Variants in LOXL4 observed in about 807,000 individuals in gnomAD.
The protein encoded by LOXL4 is lysyl oxidase like 4.
A neutral mutation model predicts 89.1 loss-of-function variants in LOXL4; 72 were observed. The ratio of observed to expected loss-of-function variants is 0.81; its 90% CI spans 0.67 to 0.98. The LOEUF is 0.98. Ranked by LOEUF, LOXL4 falls within the 50% of genes least tolerant of loss-of-function variation. LOXL4 has a pLI of 0.00. For missense variants in LOXL4, 984 were observed against 1,017.5 expected (o/e 0.97, Z 0.45); for synonymous variants, 355 against 392.1 (o/e 0.91, Z 1.12).
chr10:98,264,407 C>T (rs570238248), intron 1 of LOXL4, among the ~76,000 whole-genome samples: 2 of 149,258 alleles, frequency 1.3e-5, no homozygotes, highest in East Asian at 2.0e-4. Context: ...CCTTCTCTTA[C>T]CCCCAGACCA....
intron 2 of LOXL4, 35 bp from the exon 3 acceptor site, chr10:98,262,248 G>C (rs766028991): frequency 3.1e-6 from 5 of 1,609,222 alleles, no homozygotes; most frequent in Non-Finnish European, 4.2e-6. Context: ...AGATGGCACA[G>C]AGAGGCAGGT....
Position 98,253,778 on chromosome 10 carries a change from A to G in LOXL4, c.1610T>C (p.Met537Thr), listed in dbSNP as rs751842161. Residue 537 changes from methionine to threonine, a missense_variant, in exon 11 of 15, where the codon ATG (methionine) becomes ACG (threonine). Coordinates refer to ENST00000260702, the MANE Select transcript of LOXL4 (RefSeq NM_032211.7). ...SCMDSAPDLV[M>T]NAQLVQETAY... ...CGTCTCCTGCACTAGCTGGGCGTTC[A>G]TCACCAGGTCTGGTGCACCTGGGGC... The G allele has an allele frequency of 3.1e-6, 5 of 1,614,040 alleles. No homozygotes were observed. Among genetic ancestry groups the G allele is most frequent in the Middle Eastern group, 1.6e-4 (1 of 6,062 alleles).
chr10:98,257,696 T>C lies in LOXL4; in HGVS notation c.1214A>G (p.Asp405Gly). Residue 405 changes from aspartate (D) to glycine (G), a missense_variant, in exon 8 of 15, where the codon GAT (aspartate) becomes GGT (glycine). Coordinates refer to ENST00000260702, the MANE Select transcript of LOXL4 (RefSeq NM_032211.7). ...GSQNGCQHENDAAVRCNVPNM... is the reference protein window; with the variant it reads ...GSQNGCQHENGAAVRCNVPNM... ...AGGGACATTGCACCTGACAGCAGCA[T>C]CATTCTCATGTTGGCAACCATTCTG... 6.2e-7 allele frequency: 1 copy of C among 1,613,916 alleles called. No homozygotes were observed. The highest frequency in any genetic ancestry group is 8.5e-7 in the Non-Finnish European group (1 of 1,179,940).
rs996838693 is a variant in LOXL4 at position 98,257,762 on chromosome 10, T to C, written c.1148A>G (p.Tyr383Cys). Reference sequence around the variant, plus strand: ...AGGGCAGTCGCTGAGGGTCCGCTCATATCCCCTGCAGCGCACCTCACTCAG... The same window carrying C: ...AGGGCAGTCGCTGAGGGTCCGCTCACATCCCCTGCAGCGCACCTCACTCAG... Reference protein sequence around the residue: ...IHLSEVRCRGYERTLSDCPAL... With the variant: ...IHLSEVRCRGCERTLSDCPAL... The change falls in exon 8 of 15, where the codon TAT becomes TGT. Residue 383 changes from tyrosine (Y) to cysteine (C), a missense_variant. By Grantham distance (194) the Tyr-to-Cys change is radical. Coordinates refer to ENST00000260702, the MANE Select transcript of LOXL4 (RefSeq NM_032211.7). 4 of 1,613,956 alleles carry C rather than the reference T, an allele frequency of 2.5e-6. No homozygotes were observed. The African/African-American group carries it at 5.3e-5, about 22-fold the overall frequency.
intron 10 of LOXL4, among the ~76,000 whole-genome samples, chr10:98,254,870 G>A (rs1858309840): frequency 6.6e-6 from 1 of 152,222 alleles, no homozygotes; most frequent in African/African-American, 2.4e-5. Context: ...GGACAGAGAG[G>A]AAGCCAGGAG....
chr10:98,257,082 C>A (rs1002211734), intron 8 of LOXL4, 135 bp from the exon 9 acceptor site: 7 of 1,068,298 alleles, frequency 6.6e-6, no homozygotes, highest in Non-Finnish European at 9.2e-6. Flanking sequence ...GCCTTGGTCT[C>A]CTTCTCTGTA....
Position 98,262,016 on chromosome 10 carries a change from G to A in LOXL4, c.456+19C>T, listed in dbSNP as rs1858555644. On this transcript the variant is annotated intron_variant, in intron 3 of 14. Transcript: ENST00000260702. ...GACCCAGCCCTTGGCTCAGACCAGAGCCTGAACAGCCTCCTCACCTGGGGC... is the reference window on the plus strand; with the variant it reads ...GACCCAGCCCTTGGCTCAGACCAGAACCTGAACAGCCTCCTCACCTGGGGC... 9 of 1,595,482 alleles carry A rather than the reference G, an allele frequency of 5.6e-6. No individual in the cohort carries two copies. Among genetic ancestry groups the A allele is most frequent in the Non-Finnish European group, 7.7e-6 (9 of 1,171,476 alleles).
rs754594211 is a variant in LOXL4, at chr10:98,261,041, C to T, written c.543G>A (p.Val181=). 3.2e-5 allele frequency: 52 copies of T among 1,613,988 alleles called. No homozygotes were observed. Among genetic ancestry groups the T allele is most frequent in the Non-Finnish European group, 4.4e-5 (52 of 1,180,058 alleles). Residue 181 remains valine, a synonymous_variant, in exon 4 of 15, where the codon GTG becomes GTA. Transcript: ENST00000260702. The stretch of plus-strand genomic sequence containing the variant: ...CCTGCCGCCAGTGGCCCTCATACTT[C>T]ACCTCCACGGCTCCCTCGGTCACTG... ...HSPVTEGAVE[V]KYEGHWRQVC... is the part of the protein sequence containing the mutation.
In LOXL4 at chr10:98,258,013, C is replaced by T. The variant is rs373205890; in HGVS notation, c.1073G>A (p.Arg358Gln). 1.7e-5 allele frequency: 27 copies of T among 1,613,762 alleles called. No homozygotes were observed. Among genetic ancestry groups the T allele is most frequent in the Middle Eastern group, 1.6e-4 (1 of 6,082 alleles). The change falls in exon 7 of 15, where the codon CGG becomes CAG. Residue 358 changes from arginine to glutamine, a missense_variant. Coordinates refer to ENST00000260702, the MANE Select transcript of LOXL4 (RefSeq NM_032211.7). ...VCRQLGFGSAREALFGARLGQ... is the reference protein window; with the variant it reads ...VCRQLGFGSAQEALFGARLGQ... The stretch of plus-strand genomic sequence containing the variant: ...CAGCCGGGCCCCAAAGAGGGCCTCC[C>T]GAGCAGAGCCAAAGCCCAGCTGACG...
Position 98,259,149 on chromosome 10 carries a change from A to T in LOXL4, c.781T>A (p.Cys261Ser). The T allele has an allele frequency of 6.2e-7, 1 of 1,612,110 alleles. No individual in the cohort carries two copies. ...CGGGCTGGAGCCACCTGCACCTGGCAGTTGGCCATGTGGGGCTCTGTCCCC... is the reference window on the plus strand; with the variant it reads ...CGGGCTGGAGCCACCTGCACCTGGCTGTTGGCCATGTGGGGCTCTGTCCCC... ...CLGTEPHMAN[C>S]QVQVAPARGK... Residue 261 changes from cysteine (C) to serine (S), a missense_variant, in exon 6 of 15, where the codon TGC (cysteine) becomes AGC (serine). By Grantham distance (112) the Cys-to-Ser change is moderately radical. Coordinates refer to ENST00000260702, the MANE Select transcript of LOXL4 (RefSeq NM_032211.7).
At chr10:98,251,232 ACTGTGG>A in intron 13 of LOXL4, 56 bp from the exon 14 acceptor site, 2 of 1,286,518 alleles carry the variant, frequency 1.6e-6, no homozygotes, top group South Asian at 2.4e-5. Context: ...GAATGAGTTG[ACTGTGG>A]CTGTGATAAT....
At chr10:98,262,684 A>C (rs1443838833) in intron 2 of LOXL4, 59 bp downstream of exon 2, 1 of 1,567,926 alleles carries the variant, frequency 6.4e-7, no homozygotes, top group Non-Finnish European at 8.7e-7. Context: ...CAGTGAGCCC[A>C]GCCCAAGAAG....
At position 98,253,663 on chromosome 10, in the gene LOXL4, G is replaced by A. The variant is rs773858607; in HGVS notation, c.1725C>T (p.Pro575=). 3.7e-6 allele frequency: 6 copies of A among 1,614,152 alleles called. No homozygotes were observed. The African/African-American group carries it at 6.7e-5, about 18-fold the overall frequency. The change falls in exon 11 of 15, where the codon CCC becomes CCT. Residue 575 remains proline (P), a synonymous_variant. Transcript: ENST00000260702. ...AGCGCAATAGGCGGCGGTATCCGTA[G>A]GGCCAGTCCATGTGATCCGCAGACT... ...LSKSADHMDW[P]YGYRRLLRFS...
At position 98,253,761 on chromosome 10, in the gene LOXL4, G is replaced by T. The variant is rs764639512; in HGVS notation, c.1627C>A (p.Gln543Lys). The change falls in exon 11 of 15, where the codon CAG becomes AAG. Residue 543 changes from glutamine to lysine, a missense_variant. Coordinates refer to ENST00000260702, the MANE Select transcript of LOXL4 (RefSeq NM_032211.7). ...CGGTCCTCCAAGTAGGCCGTCTCCT[G>T]CACTAGCTGGGCGTTCATCACCAGG... ...PDLVMNAQLV[Q>K]ETAYLEDRPL... The T allele has an allele frequency of 6.2e-7, 1 of 1,614,172 alleles. No homozygotes were observed. The highest frequency in any genetic ancestry group is 8.5e-7 in the Non-Finnish European group (1 of 1,180,022).
At position 98,251,608 on chromosome 10, in the gene LOXL4, C is replaced by A; in HGVS notation, c.2046G>T (p.Trp682Cys). The change falls in exon 13 of 15, where the codon TGG (tryptophan) becomes TGT (cysteine). Residue 682 changes from tryptophan (W) to cysteine (C), a missense_variant. Physicochemically the swap from Trp to Cys is radical, Grantham distance 215 (BLOSUM62 -2). Coordinates refer to ENST00000260702, the MANE Select transcript of LOXL4 (RefSeq NM_032211.7). ...CGGGGCCCACATCTGTGATATCCAC[C>A]CACTGGCAATCAATGTCATGCCGGT... ...DTYRHDIDCQ[W>C]VDITDVGPGN... 1 of 1,614,232 alleles carries A rather than the reference C, an allele frequency of 6.2e-7. No homozygotes were observed. The highest frequency in any genetic ancestry group is 8.5e-7 in the Non-Finnish European group (1 of 1,180,048).
intron 1 of LOXL4, among the ~76,000 whole-genome samples, chr10:98,267,121 G>A (rs1217146592): frequency 6.6e-6 from 1 of 152,148 alleles, no homozygotes; most frequent in Non-Finnish European, 1.5e-5. Context: ...AAGGTCCAGG[G>A]AAGTCAAGTA....
intron 14 of LOXL4, among the ~76,000 whole-genome samples, chr10:98,250,272 A>G (rs1858149373): frequency 6.6e-6 from 1 of 152,170 alleles, no homozygotes; most frequent in African/African-American, 2.4e-5. Flanking sequence ...AGCCCCCAAC[A>G]GGTTGCTTTC....
intron 1 of LOXL4, among the ~76,000 whole-genome samples, chr10:98,266,509 G>T (rs1393661466): frequency 6.6e-6 from 1 of 152,044 alleles, no homozygotes; most frequent in East Asian, 1.9e-4. Context: ...CCTCTCCAAG[G>T]GACCAACCTG....
Position 98,260,009 on chromosome 10 carries a change from T to C in LOXL4, c.663-580A>G, listed in dbSNP as rs371983287. 3.3e-5 allele frequency among the ~76,000 whole-genome samples: 5 copies of C among 152,274 alleles called. No homozygotes were observed. The South Asian group carries it at 1.0e-3, about 32-fold the overall frequency. ...ACCCTTTAGGGAAGCAGGATCAAAC[T>C]GATTGGGGTGGCAGATGACTCAGAC... On this transcript the variant is annotated intron_variant, in intron 4 of 14. Coordinates refer to ENST00000260702, the MANE Select transcript of LOXL4 (RefSeq NM_032211.7).
Sources: allele counts gnomAD v4.1 joint callset (sites outside exome capture counted in the v4.1 genomes callset), GRCh38; gene constraint gnomAD v4.1.1; transcripts MANE v1.5; gene names NCBI Gene and HGNC (gene_info 2026-07-23, HGNC 2026-07-21).